The following CLCA1 variants were observed in gnomAD, a reference collection of about 807,000 sequenced individuals.
CLCA1 encodes the protein chloride channel accessory 1.
CLCA1 carries 59 observed loss-of-function variants against 85.6 expected under a neutral mutation model. That is an observed-to-expected ratio of 0.69 (90% CI 0.56 to 0.86). The LOEUF is 0.86. Among genes scored for constraint, CLCA1 ranks in the 40% least tolerant of loss-of-function variants. The pLI, the probability that CLCA1 is intolerant of heterozygous loss-of-function variation, is 0.00. For missense variants in CLCA1, 1,022 were observed against 1,101.4 expected (o/e 0.93, Z 1.02); for synonymous variants, 396 against 398.3 (o/e 0.99, Z 0.07).
Position 86,473,419 on chromosome 1 carries a change from C to G in CLCA1, c.165C>G (p.Asp55Glu). Reference sequence around the variant, plus strand: ...GTATGTTTTCTTTTTCTTCCCAGGACATGGTGACCCAGGCATCTCTGTATC... The same window carrying G: ...GTATGTTTTCTTTTTCTTCCCAGGAGATGGTGACCCAGGCATCTCTGTATC... The part of the protein sequence containing the change: ...EDETLIQQIK[D>E]MVTQASLYLL... The change falls in exon 2 of 14, where the codon GAC becomes GAG. Residue 55 changes from aspartate to glutamate, a missense_variant and splice_region_variant. Physicochemically the swap from Asp to Glu is conservative, Grantham distance 45. Transcript: ENST00000394711. 1 of 1,560,972 alleles carries G rather than the reference C, an allele frequency of 6.4e-7. No homozygotes were observed.
At chr1:86,495,954 G>T (rs1004695231) in intron 12 of CLCA1, among the ~76,000 whole-genome samples, 1 of 152,136 alleles carries the variant, frequency 6.6e-6, no homozygotes, top group Non-Finnish European at 1.5e-5. Context: ...TAACCCTTAG[G>T]GGGGCAAACT....
At chr1:86,476,344 T>C in intron 3 of CLCA1, 104 bp from the exon 4 acceptor site, 1 of 597,640 alleles carries the variant, frequency 1.7e-6, no homozygotes, top group Non-Finnish European at 3.0e-6. Context: ...TTTAAAAAAT[T>C]AACACAGCAA....
chr1:86,493,739 AT>A, intron 10 of CLCA1, 140 bp downstream of exon 10: 2 of 673,924 alleles, frequency 3.0e-6, no homozygotes, highest in East Asian at 2.7e-5. Flanking sequence ...AGGAAAAAAA[AT>A]CTCCATCCAA....
rs1227451191 is a variant in CLCA1 at position 86,499,564 on chromosome 1, A to C, written c.2354-90A>C. On this transcript the variant is annotated intron_variant, in intron 13 of 13. Transcript: ENST00000394711. ...GATATAATTTCTCATAGACTTTTAA[A>C]GCTTTTTAAATATTTTTTAAAGCTC... 4.9e-6 allele frequency: 4 copies of C among 820,972 alleles called. No individual in the cohort carries two copies. In the African/African-American group the frequency reaches 6.9e-5, roughly 14 times the overall value. 50.9% of individuals were successfully genotyped at this position (820,972 alleles called of 1,614,324 possible). A position where few individuals can be genotyped will look rare whatever the true frequency, so the allele number is the denominator to read the frequency against.
Position 86,495,054 on chromosome 1 carries a change from AC to A in CLCA1, c.1943-450del, listed in dbSNP as rs1308247276. ...TCTACAGTTTAAAAAAAAAAAAAAA[AC>A]ATGTCTGCTTACTGTGAAGCAAGTA... On this transcript the variant is annotated intron_variant, in intron 11 of 13. Coordinates refer to ENST00000394711, the MANE Select transcript of CLCA1 (RefSeq NM_001285.4). Among the ~76,000 whole-genome samples the A allele has an allele frequency of 3.9e-5, 6 of 151,982 alleles. No homozygotes were observed. The East Asian group carries it at 5.8e-4, about 15-fold the overall frequency.
chr1:86,495,553 C>CA lies in CLCA1; in HGVS notation c.1991_1992insA (p.Tyr665LeufsTer2). 1 of 1,614,028 alleles carries CA rather than the reference C, an allele frequency of 6.2e-7. No homozygotes were observed. Among genetic ancestry groups the CA allele is most frequent in the Non-Finnish European group, 8.5e-7 (1 of 1,179,904 alleles). On this transcript the variant is annotated frameshift_variant, in exon 12 of 14. Coordinates refer to ENST00000394711, the MANE Select transcript of CLCA1 (RefSeq NM_001285.4). LOFTEE classifies it high-confidence loss of function. ...GGTGTCTACTCAAGGTATTTCACAA[C>CA]TTATGACACGAATGGTAGATACAGT... is the stretch of plus-strand genomic sequence containing the variant.
At chr1:86,492,366 G>A (rs2101745204) in intron 9 of CLCA1, among the ~76,000 whole-genome samples, 1 of 152,324 alleles carries the variant, frequency 6.6e-6, no homozygotes, top group Middle Eastern at 3.4e-3. Flanking sequence ...AGTAATTAAA[G>A]TGATAAAAGG....
rs1648257470 is a variant in CLCA1, at chr1:86,495,603, G to A, written c.2041G>A (p.Val681Ile). 1 of 1,614,160 alleles carries A rather than the reference G, an allele frequency of 6.2e-7. No individual in the cohort carries two copies. The highest frequency in any genetic ancestry group is 1.7e-5 in the Admixed American group (1 of 60,030). Residue 681 changes from valine to isoleucine, a missense_variant, in exon 12 of 14, where the codon GTT (valine) becomes ATT (isoleucine). Val to Ile is a conservative substitution (Grantham distance 29). Coordinates refer to ENST00000394711, the MANE Select transcript of CLCA1 (RefSeq NM_001285.4). ...TGTAAAAGTGCGGGCTCTGGGAGGA[G>A]TTAACGCAGCCAGACGGAGAGTGAT... is the stretch of plus-strand genomic sequence containing the variant. The part of the protein sequence containing the change: ...YSVKVRALGG[V>I]NAARRRVIPQ...
intron 7 of CLCA1, 110 bp downstream of exon 7, chr1:86,486,863 A>G: frequency 1.1e-6 from 1 of 902,084 alleles, no homozygotes; most frequent in South Asian, 1.5e-5. Flanking sequence ...GGATGAGATA[A>G]CCAAGGAGCA....
rs1648188249 is a variant in CLCA1 at position 86,493,386 on chromosome 1, T to C, written c.1467T>C (p.Leu489=). ...NGAVSQRSIQ[L]ESKGLTLQNS... ...GTAAGAGCTGTTTTTCTTAACAGCT[T>C]GAGAGTAAGGGATTAACCCTCCAGA... is the stretch of plus-strand genomic sequence containing the variant. The change falls in exon 10 of 14, where the codon CTT becomes CTC. Residue 489 remains leucine, a splice_region_variant and synonymous_variant. Transcript: ENST00000394711. The C allele has an allele frequency of 6.2e-7, 1 of 1,612,866 alleles. No homozygotes were observed. Among genetic ancestry groups the C allele is most frequent in the African/African-American group, 1.3e-5 (1 of 74,902 alleles).
rs571475234 is a variant in CLCA1 at position 86,493,613 on chromosome 1, T to A, written c.1680+14T>A. ...GGCATTGCTAAGGTATGGAGTCAGC[T>A]TTTTTTCTTTCTCATAATTCAACAA... On this transcript the variant is annotated intron_variant, in intron 10 of 13. Transcript: ENST00000394711. The A allele has an allele frequency of 4.4e-6, 7 of 1,578,016 alleles. No homozygotes were observed. Among genetic ancestry groups the A allele is most frequent in the East Asian group, 2.2e-5 (1 of 44,576 alleles).
At chr1:86,496,403 C>A in intron 12 of CLCA1, among the ~76,000 whole-genome samples, 1 of 152,202 alleles carries the variant, frequency 6.6e-6, no homozygotes, top group East Asian at 1.9e-4. Flanking sequence ...TGGGCCAGCA[C>A]ACTGAGCCCA....
intron 7 of CLCA1, among the ~76,000 whole-genome samples, chr1:86,487,629 A>G (rs1190331282): frequency 6.6e-6 from 1 of 151,958 alleles, no homozygotes; most frequent in African/African-American, 2.4e-5. Flanking sequence ...CTGTGGCCAT[A>G]TTAGTTTGGC....
Position 86,495,597 on chromosome 1 carries a change from G to A in CLCA1, c.2035G>A (p.Gly679Arg), listed in dbSNP as rs774971571. The A allele has an allele frequency of 4.3e-6, 7 of 1,614,140 alleles. No homozygotes were observed. In the South Asian group the frequency reaches 6.6e-5, roughly 15 times the overall value. Residue 679 changes from glycine (G) to arginine (R), a missense_variant, in exon 12 of 14, where the codon GGA becomes AGA. Transcript: ENST00000394711. ...GRYSVKVRALGGVNAARRRVI... is the reference protein window; with the variant it reads ...GRYSVKVRALRGVNAARRRVI... ...ATACAGTGTAAAAGTGCGGGCTCTG[G>A]GAGGAGTTAACGCAGCCAGACGGAG...
intron 1 of CLCA1, among the ~76,000 whole-genome samples, chr1:86,469,676 T>C (rs1647444846): frequency 6.6e-6 from 1 of 152,148 alleles, no homozygotes; most frequent in Non-Finnish European, 1.5e-5. Flanking sequence ...TGCTACCTCT[T>C]ATGTAGCAGA....
In CLCA1 at chr1:86,469,115, A is replaced by T; in HGVS notation, c.144A>T (p.Thr48=). 2 of 1,605,148 alleles carry T rather than the reference A, an allele frequency of 1.2e-6. No individual in the cohort carries two copies. Among genetic ancestry groups the T allele is most frequent in the Non-Finnish European group, 1.7e-6 (2 of 1,175,094 alleles). The change falls in exon 1 of 14, where the codon ACA becomes ACT. Residue 48 remains threonine, a synonymous_variant. Transcript: ENST00000394711. ...AIDPNVPEDE[T]LIQQIKDMVT... is the part of the protein sequence containing the mutation. ...ACCCCAATGTGCCAGAAGATGAAAC[A>T]CTCATTCAACAAATAAAGGTAAGTT...
chr1:86,470,890 G>A (rs1647481286), intron 1 of CLCA1, among the ~76,000 whole-genome samples: 1 of 152,160 alleles, frequency 6.6e-6, no homozygotes, highest in African/African-American at 2.4e-5. Context: ...CCCTAACTCA[G>A]CTTTTAAAAT....
Position 86,469,000 on chromosome 1 carries a change from T to C in CLCA1, c.29T>C (p.Ile10Thr). ...GGGCCATTTAAGAGTTCTGTGTTCA[T>C]CTTGATTCTTCACCTTCTAGAAGGG... is the stretch of plus-strand genomic sequence containing the variant. The part of the protein sequence containing the change: MGPFKSSVF[I>T]LILHLLEGAL... Residue 10 changes from isoleucine (I) to threonine (T), a missense_variant, in exon 1 of 14, where the codon ATC becomes ACC. Transcript: ENST00000394711. The C allele has an allele frequency of 6.2e-7, 1 of 1,612,636 alleles. No homozygotes were observed. The highest frequency in any genetic ancestry group is 8.5e-7 in the Non-Finnish European group (1 of 1,179,184).
At chr1:86,495,697 AC>A (rs752297117) in intron 12 of CLCA1, 22 bp downstream of exon 12, 5 of 1,591,132 alleles carry the variant, frequency 3.1e-6, no homozygotes, top group Non-Finnish European at 3.4e-6. Context: ...GTAATAACAT[AC>A]CTGGCTTGTG....
Sources: gnomAD v4.1 joint callset for allele counts (sites outside exome capture counted in the v4.1 genomes callset) on GRCh38, gnomAD v4.1.1 for gene constraint, MANE v1.5 for transcripts, NCBI Gene and HGNC (gene_info 2026-07-23, HGNC 2026-07-21) for gene names.